Variants in CDH8 observed in about 807,000 individuals in gnomAD.
The protein encoded by CDH8 is cadherin 8.
Under a neutral mutation model 68.1 loss-of-function variants are expected in CDH8, and 17 were observed. That is an observed-to-expected ratio of 0.25 (90% CI 0.17 to 0.37). The LOEUF (loss-of-function observed/expected upper bound fraction) is 0.37. Among genes scored for constraint, CDH8 ranks in the 10% least tolerant of loss-of-function variants. The pLI, the probability that CDH8 is intolerant of heterozygous loss-of-function variation, is 1.00. For missense variants in CDH8, 763 were observed against 999.3 expected (o/e 0.76, Z 3.19); for synonymous variants, 372 against 365.1 (o/e 1.02, Z -0.21).
chr16:61,662,550 G>A (rs1221047159), intron 10 of CDH8, among the ~76,000 whole-genome samples: 5 of 151,774 alleles, frequency 3.3e-5, no homozygotes, highest in African/African-American at 1.2e-4. Context: ...AGAAGGATAT[G>A]CTGACAAGAT....
intron 2 of CDH8, among the ~76,000 whole-genome samples, chr16:61,909,564 C>T (rs1373334475): frequency 6.6e-6 from 1 of 152,134 alleles, no homozygotes; most frequent in Non-Finnish European, 1.5e-5. Context: ...GATTCCAGAA[C>T]TTATGTACTT....
intron 2 of CDH8, among the ~76,000 whole-genome samples, chr16:61,908,827 T>C (rs1345311257): frequency 6.6e-6 from 1 of 152,148 alleles, no homozygotes; most frequent in Non-Finnish European, 1.5e-5. Flanking sequence ...AGAAACAAAT[T>C]ACATCATAAA....
intron 2 of CDH8, among the ~76,000 whole-genome samples, chr16:61,907,909 G>T (rs113711131): frequency 9.9e-5 from 15 of 152,060 alleles, no homozygotes; most frequent in African/African-American, 3.6e-4. Context: ...TGGTCATGGT[G>T]GCTGGTGCCT....
At chr16:61,774,852 A>C (rs1960866170) in intron 8 of CDH8, among the ~76,000 whole-genome samples, 1 of 152,192 alleles carries the variant, frequency 6.6e-6, no homozygotes, top group East Asian at 1.9e-4. Context: ...AAGAAAATAA[A>C]CACGTACAAC....
At chr16:61,977,830 T>TGAA (rs1965465098) in intron 2 of CDH8, among the ~76,000 whole-genome samples, 1 of 152,204 alleles carries the variant, frequency 6.6e-6, no homozygotes, top group African/African-American at 2.4e-5. Context: ...TTTTTAAAAA[T>TGAA]TTCTTCACAA....
rs969339206 is a variant in CDH8 at position 62,036,119 on chromosome 16, G to A, written c.-239C>T. On this transcript the variant is annotated 5_prime_UTR_variant, in exon 1 of 12. Transcript: ENST00000577390. ...GCGCTGGCGAATGTCAAGCCTCCAG[G>A]TTCACAAATGGCTGGAGGTGCTCGG... The A allele has an allele frequency of 1.3e-5, 2 of 152,276 alleles. No individual in the cohort carries two copies. Among genetic ancestry groups the A allele is most frequent in the Non-Finnish European group, 2.9e-5 (2 of 68,126 alleles). 9.4% of individuals were successfully genotyped at this position (152,276 alleles called of 1,614,324 possible).
At chr16:61,948,283 T>C (rs1369658003) in intron 2 of CDH8, among the ~76,000 whole-genome samples, 1 of 152,172 alleles carries the variant, frequency 6.6e-6, no homozygotes, top group Admixed American at 6.5e-5. Context: ...TCTGATCTAA[T>C]CATTGTCGGG....
intron 2 of CDH8, among the ~76,000 whole-genome samples, chr16:61,967,794 T>A (rs58935992): frequency 0.021 from 3,167 of 152,166 alleles, 85 homozygotes; most frequent in African/African-American, 0.065. Context: ...GAATTTAAAT[T>A]GAGATTATTT....
chr16:61,730,673 A>AT (rs1256926319), intron 8 of CDH8, among the ~76,000 whole-genome samples: 2 of 151,606 alleles, frequency 1.3e-5, no homozygotes, highest in East Asian at 3.9e-4. Flanking sequence ...TTAGTTGTAG[A>AT]TATTTCTAGA....
At chr16:61,776,429 T>A (rs1387931718) in intron 8 of CDH8, among the ~76,000 whole-genome samples, 1 of 152,112 alleles carries the variant, frequency 6.6e-6, no homozygotes, top group East Asian at 1.9e-4. Flanking sequence ...AAAAAATTGT[T>A]AGAACAACTT....
intron 2 of CDH8, among the ~76,000 whole-genome samples, chr16:61,967,106 C>A (rs1470000098): frequency 6.6e-6 from 1 of 152,024 alleles, no homozygotes; most frequent in South Asian, 2.1e-4. Context: ...GAGGCTGGGA[C>A]GGGAAGATCC....
At chr16:61,686,371 C>T (rs1455280938) in intron 10 of CDH8, among the ~76,000 whole-genome samples, 1 of 151,938 alleles carries the variant, frequency 6.6e-6, no homozygotes, top group Non-Finnish European at 1.5e-5. Context: ...CACAACTATC[C>T]ATTTAGTTTT....
chr16:62,002,227 A>G (rs974236860), intron 2 of CDH8, among the ~76,000 whole-genome samples: 2 of 152,210 alleles, frequency 1.3e-5, no homozygotes, highest in Non-Finnish European at 2.9e-5. Context: ...GTAGAATGCA[A>G]TATTAGTTTC....
At chr16:61,926,963 G>T (rs536307866) in intron 2 of CDH8, among the ~76,000 whole-genome samples, 115 of 152,314 alleles carry the variant, frequency 7.6e-4, no homozygotes, top group African/African-American at 2.6e-3. Context: ...AGACACATTA[G>T]AAGGCATTGC....
chr16:61,902,701 A>G (rs1597053645), intron 2 of CDH8, among the ~76,000 whole-genome samples: 2 of 152,120 alleles, frequency 1.3e-5, no homozygotes, highest in African/African-American at 4.8e-5. Flanking sequence ...TTTAAATTGT[A>G]TTAAGCCCTT....
intron 8 of CDH8, among the ~76,000 whole-genome samples, chr16:61,782,346 G>T (rs568974233): frequency 3.3e-5 from 5 of 151,682 alleles, no homozygotes; most frequent in African/African-American, 1.2e-4. Flanking sequence ...CTGGAAAATC[G>T]GGTCACTCCA....
chr16:61,852,869 C>CCTTCCTTCCTTCCATT (rs1567500473), intron 4 of CDH8, among the ~76,000 whole-genome samples: 2 of 135,592 alleles, frequency 1.5e-5, no homozygotes, highest in African/African-American at 6.2e-5. Context: ...TTCCTTCCTT[C>CCTTCCTTCCTTCCATT]CTTCCTTCCT....
chr16:61,655,392 CAG>C, intron 11 of CDH8, 76 bp downstream of exon 11: 1 of 1,441,038 alleles, frequency 6.9e-7, no homozygotes, highest in Non-Finnish European at 9.6e-7. Context: ...CTGTGTAGAT[CAG>C]AGTTTTCTGT....
chr16:61,736,437 G>A (rs116613232), intron 8 of CDH8, among the ~76,000 whole-genome samples: 2,246 of 152,254 alleles, frequency 0.015, 58 homozygotes, highest in African/African-American at 0.05. Flanking sequence ...GCAAAAAGCA[G>A]ACTGAAAGAG....
Sources: gnomAD v4.1 joint callset for allele counts (sites outside exome capture counted in the v4.1 genomes callset) on GRCh38, gnomAD v4.1.1 for gene constraint, MANE v1.5 for transcripts, NCBI Gene and HGNC (gene_info 2026-07-23, HGNC 2026-07-21) for gene names.